Variants in COL25A1 observed in about 807,000 individuals in gnomAD.
COL25A1 encodes the protein collagen type XXV alpha 1 chain.
A neutral mutation model predicts 128.4 loss-of-function variants in COL25A1; 103 were observed. The ratio of observed to expected loss-of-function variants is 0.80; its 90% CI spans 0.68 to 0.94. COL25A1 has a LOEUF of 0.94. Among genes scored for constraint, COL25A1 ranks in the 40% least tolerant of loss-of-function variants. The pLI is 0.00. For missense variants in COL25A1, 745 were observed against 840.0 expected, an observed-to-expected ratio of 0.89 and a Z score of 1.40; for synonymous variants, 279 against 277.2, an observed-to-expected ratio of 1.01 and a Z score of -0.06.
chr4:108,922,215 G>A (rs917517718), intron 11 of COL25A1, among the ~76,000 whole-genome samples: 1 of 152,046 alleles, frequency 6.6e-6, no homozygotes, highest in Non-Finnish European at 1.5e-5. Flanking sequence ...GTAAATGTTC[G>A]TGCTAAGTAA....
At chr4:109,105,805 T>C (rs1000967588) in intron 3 of COL25A1, among the ~76,000 whole-genome samples, 2 of 152,224 alleles carry the variant, frequency 1.3e-5, no homozygotes, top group African/African-American at 4.8e-5. Context: ...CCACATCCTC[T>C]TCTGCAAACT....
At chr4:109,157,615 A>T (rs952885790) in intron 3 of COL25A1, among the ~76,000 whole-genome samples, 2 of 152,238 alleles carry the variant, frequency 1.3e-5, no homozygotes, top group African/African-American at 4.8e-5. Context: ...ATAGTAATAC[A>T]TTCAAAAGCA....
chr4:109,111,024 G>T (rs933031406), intron 3 of COL25A1, among the ~76,000 whole-genome samples: 1 of 152,122 alleles, frequency 6.6e-6, no homozygotes, highest in African/African-American at 2.4e-5. Context: ...ATTGTCTACA[G>T]GATCAATTCA....
intron 5 of COL25A1, among the ~76,000 whole-genome samples, chr4:109,038,873 AAG>A (rs1759600929): frequency 6.6e-6 from 1 of 152,126 alleles, no homozygotes; most frequent in Non-Finnish European, 1.5e-5. Context: ...CTACTCCAGC[AAG>A]CTTATAGTTC....
intron 8 of COL25A1, among the ~76,000 whole-genome samples, chr4:108,958,694 C>T (rs722716): frequency 0.3 from 46,097 of 151,762 alleles, 7,573 homozygotes; most frequent in South Asian, 0.46. Flanking sequence ...TGTTACTTAA[C>T]GATGGTTATT....
At chr4:109,114,263 T>C (rs572915676) in intron 3 of COL25A1, among the ~76,000 whole-genome samples, 15 of 152,210 alleles carry the variant, frequency 9.9e-5, no homozygotes, top group African/African-American at 3.1e-4. Flanking sequence ...CCTTTAATTA[T>C]GTGCTGGCAA....
intron 3 of COL25A1, among the ~76,000 whole-genome samples, chr4:109,106,069 C>T (rs1013485938): frequency 3.9e-5 from 6 of 152,128 alleles, no homozygotes; most frequent in African/African-American, 1.4e-4. Flanking sequence ...TGAGGGATCT[C>T]GCTCACATAA....
At chr4:109,138,948 C>T (rs1012473935) in intron 3 of COL25A1, among the ~76,000 whole-genome samples, 1 of 152,122 alleles carries the variant, frequency 6.6e-6, no homozygotes, top group Non-Finnish European at 1.5e-5. Flanking sequence ...ACCTTGTGAT[C>T]CGCCCACCTC....
At chr4:108,953,044 C>G (rs794151) in intron 8 of COL25A1, among the ~76,000 whole-genome samples, 151,514 of 152,160 alleles carry the variant, frequency 1, 75,435 homozygotes, top group Middle Eastern at 1. Context: ...GAAGTAGATG[C>G]CTATAATGGA....
At chr4:109,194,089 T>A (rs1350774996) in intron 3 of COL25A1, among the ~76,000 whole-genome samples, 1 of 152,146 alleles carries the variant, frequency 6.6e-6, no homozygotes, top group Non-Finnish European at 1.5e-5. Flanking sequence ...GTTAAAGCAT[T>A]TTTGGGAGGT....
chr4:109,239,080 C>A (rs1779659004), intron 3 of COL25A1, among the ~76,000 whole-genome samples: 1 of 151,966 alleles, frequency 6.6e-6, no homozygotes, highest in Admixed American at 6.6e-5. Flanking sequence ...TGATGGAAAT[C>A]TTTGAACCAA....
intron 3 of COL25A1, among the ~76,000 whole-genome samples, chr4:109,070,269 C>T (rs1009021232): frequency 1.3e-5 from 2 of 151,810 alleles, no homozygotes; most frequent in Non-Finnish European, 2.9e-5. Context: ...AAAAAACCCT[C>T]TCACTTTGCT....
chr4:109,192,453 T>C (rs1775695560), intron 3 of COL25A1, among the ~76,000 whole-genome samples: 1 of 151,284 alleles, frequency 6.6e-6, no homozygotes, highest in Admixed American at 6.6e-5. Context: ...TAACCCTCAG[T>C]ACCTCAAAAT....
rs149937268 is a variant in COL25A1, at chr4:109,141,284, G to A, written c.368-91105C>T. Among the ~76,000 whole-genome samples the A allele has an allele frequency of 2.5e-3, 380 of 152,262 alleles. 4 individuals are homozygous for A. The highest frequency in any genetic ancestry group is 6.1e-3 in the African/African-American group (254 of 41,558). ...AGACTTGCATCCCAGAAATGAAGCC[G>A]ACTTGATCGTGGTGGATAAGCTTTT... On this transcript the variant is annotated intron_variant, in intron 3 of 37. Coordinates refer to ENST00000399132, the MANE Select transcript of COL25A1 (RefSeq NM_198721.4).
intron 3 of COL25A1, among the ~76,000 whole-genome samples, chr4:109,137,984 A>ATATGTGTGTGTG (rs547874075): frequency 0.28 from 39,875 of 142,134 alleles, 6,579 homozygotes; most frequent in Non-Finnish European, 0.38. Context: ...TTATATATAT[A>ATATGTGTGTGTG]TGTGTGTGTG....
chr4:109,261,551 T>A (rs1188800260), intron 3 of COL25A1, among the ~76,000 whole-genome samples: 1 of 152,012 alleles, frequency 6.6e-6, no homozygotes. Context: ...TGCAAAGAAA[T>A]TCATTTTGTT....
At chr4:108,834,390 C>T in intron 31 of COL25A1, 1 of 1,550,470 alleles carries the variant, frequency 6.4e-7, no homozygotes, top group South Asian at 1.2e-5. Context: ...CCAGATGCTC[C>T]CTGTGTGATT....
At position 108,846,210 on chromosome 4, in the gene COL25A1, C is replaced by A; in HGVS notation, c.1444G>T (p.Gly482Cys). The A allele has an allele frequency of 6.2e-7, 1 of 1,609,274 alleles. No individual in the cohort carries two copies. The highest frequency in any genetic ancestry group is 8.5e-7 in the Non-Finnish European group (1 of 1,175,692). ...PGMDGEQGLK[G>C]SKGDMGDPGM... ...GGGTCCCCCATGTCTCCCTTTGAGC[C>A]TTTGAGTCCCTAAAAATGATAGACA... Residue 482 changes from glycine (G) to cysteine (C), a missense_variant, in exon 28 of 38, where the codon GGC (glycine) becomes TGC (cysteine). Transcript: ENST00000399132.
chr4:109,042,444 C>G (rs557371417), intron 5 of COL25A1, among the ~76,000 whole-genome samples: 11 of 152,008 alleles, frequency 7.2e-5, no homozygotes, highest in South Asian at 4.1e-4. Flanking sequence ...AACTCTACCC[C>G]CAAACAGCCT....
Sources: gnomAD v4.1 joint callset for allele counts (sites outside exome capture counted in the v4.1 genomes callset) on GRCh38, gnomAD v4.1.1 for gene constraint, MANE v1.5 for transcripts, NCBI Gene and HGNC (gene_info 2026-07-23, HGNC 2026-07-21) for gene names.